PPM1L: variants seen among roughly 807,000 people sequenced by gnomAD.
PPM1L encodes protein phosphatase 1L.
A neutral mutation model predicts 31.4 loss-of-function variants in PPM1L; 13 were observed. The observed-to-expected ratio is 0.41, with a 90% CI of 0.27 to 0.66. The LOEUF (loss-of-function observed/expected upper bound fraction) is 0.66, where lower values mean the gene tolerates loss of function less well. PPM1L is among the 30% of genes least tolerant of loss of function. The pLI, the probability that PPM1L is intolerant of heterozygous loss-of-function variation, is 0.29. For missense variants in PPM1L, 326 were observed against 453.7 expected (o/e 0.72, Z 2.56); for synonymous variants, 184 against 175.4 (o/e 1.05, Z -0.39).
intron 2 of PPM1L, among the ~76,000 whole-genome samples, chr3:160,966,518 G>A (rs142710294): frequency 6.6e-6 from 1 of 152,102 alleles, no homozygotes; most frequent in Non-Finnish European, 1.5e-5. Context: ...AATTTTAATG[G>A]CTACATCATA....
At chr3:160,927,840 C>T (rs1289835615) in intron 1 of PPM1L, among the ~76,000 whole-genome samples, 1 of 151,972 alleles carries the variant, frequency 6.6e-6, no homozygotes, top group East Asian at 1.9e-4. Context: ...TATTAGGGCT[C>T]CTAGATGAGC....
chr3:160,839,950 G>T (rs1425773127), intron 1 of PPM1L, among the ~76,000 whole-genome samples: 2 of 152,182 alleles, frequency 1.3e-5, no homozygotes, highest in Admixed American at 1.3e-4. Flanking sequence ...TAGTGATAGA[G>T]TTGAGACATA....
In PPM1L at chr3:160,930,121, G is replaced by A. The variant is rs75008697; in HGVS notation, c.400-31615G>A. On this transcript the variant is annotated intron_variant, in intron 1 of 3. Transcript: ENST00000498165. ...TACTTTTGACTCTTTCATTTTGAAT[G>A]TGGGTTAGGGCTTTTTAGAACCACA... Among the ~76,000 whole-genome samples the A allele has an allele frequency of 2.3e-3, 356 of 152,310 alleles. 9 individuals carry two copies. The East Asian group carries it at 0.05, about 21-fold the overall frequency.
intron 1 of PPM1L, among the ~76,000 whole-genome samples, chr3:160,878,645 G>A (rs1034023831): frequency 1.3e-5 from 2 of 152,042 alleles, no homozygotes; most frequent in African/African-American, 2.4e-5. Context: ...ATGAATTTTG[G>A]GGCGACACAA....
Position 161,065,428 on chromosome 3 carries a change from A to G in PPM1L, c.600A>G (p.Leu200=). 6.2e-7 allele frequency: 1 copy of G among 1,614,070 alleles called. No homozygotes were observed. The highest frequency in any genetic ancestry group is 8.5e-7 in the Non-Finnish European group (1 of 1,179,940). ...GCACAACGTGTTTGATTGCTCTGCT[A>G]TCAGATAAAGACCTCACTGTGGCCA... ...EAGTTCLIAL[L]SDKDLTVANV... The change falls in exon 3 of 4, where the codon CTA becomes CTG. Residue 200 remains leucine, a synonymous_variant. Coordinates refer to ENST00000498165, the MANE Select transcript of PPM1L (RefSeq NM_139245.4).
chr3:161,029,276 G>C (rs1217200622), intron 2 of PPM1L, among the ~76,000 whole-genome samples: 1 of 152,192 alleles, frequency 6.6e-6, no homozygotes, highest in Admixed American at 6.5e-5. Context: ...GCCAGACTTA[G>C]TGAACAAATG....
chr3:160,944,784 T>TATATATGTTATATAGAACATATATAAC lies in PPM1L; in HGVS notation c.400-16938_400-16937insGAACATATATAACATATATGTTATATA, dbSNP rs1559896767. ...ATATATAACATGTTATATATTATATTATATATGTTATATATAACATATATA... is the reference window on the plus strand; with the variant it reads ...ATATATAACATGTTATATATTATATTATATATGTTATATAGAACATATATAACATATATGTTATATATAACATATATA... On this transcript the variant is annotated intron_variant, in intron 1 of 3. Transcript: ENST00000498165. Among the ~76,000 whole-genome samples, 28 of 43,912 alleles carry TATATATGTTATATAGAACATATATAAC rather than the reference T, an allele frequency of 6.4e-4. 3 individuals are homozygous for TATATATGTTATATAGAACATATATAAC. Among genetic ancestry groups the TATATATGTTATATAGAACATATATAAC allele is most frequent in the African/African-American group, 1.9e-3 (27 of 13,950 alleles). The allele number at this position is 43,912 out of a possible 152,430, so 28.8% of individuals were successfully genotyped here.
chr3:160,977,629 A>G (rs75406323), intron 2 of PPM1L, among the ~76,000 whole-genome samples: 4,462 of 152,306 alleles, frequency 0.029, 108 homozygotes, highest in South Asian at 0.12. Context: ...TTTATTATTT[A>G]TATCCCACTT....
chr3:160,913,312 C>A (rs892025232), intron 1 of PPM1L, among the ~76,000 whole-genome samples: 2 of 152,062 alleles, frequency 1.3e-5, no homozygotes, highest in Non-Finnish European at 2.9e-5. Flanking sequence ...TTGGTGTAGA[C>A]AGTGAACCCT....
At chr3:160,814,320 G>C (rs1321995805) in intron 1 of PPM1L, among the ~76,000 whole-genome samples, 2 of 152,118 alleles carry the variant, frequency 1.3e-5, no homozygotes, top group Non-Finnish European at 2.9e-5. Flanking sequence ...CAGCATAAGT[G>C]AAATAGGTGG....
At chr3:161,046,016 C>G (rs1719051780) in intron 2 of PPM1L, among the ~76,000 whole-genome samples, 1 of 142,796 alleles carries the variant, frequency 7.0e-6, no homozygotes, top group South Asian at 2.2e-4. Flanking sequence ...GAGGCTGAGG[C>G]AGGAGAATGC....
intron 2 of PPM1L, among the ~76,000 whole-genome samples, chr3:161,007,427 G>A (rs1464117182): frequency 6.6e-6 from 1 of 152,336 alleles, no homozygotes; most frequent in South Asian, 2.1e-4. Context: ...ACAGCTTGAT[G>A]GGTTTGAGGG....
At chr3:160,850,805 T>C (rs772436101) in intron 1 of PPM1L, among the ~76,000 whole-genome samples, 1 of 151,628 alleles carries the variant, frequency 6.6e-6, no homozygotes, top group Non-Finnish European at 1.5e-5. Context: ...CAGCTCCATG[T>C]CATGACTCTA....
chr3:160,778,670 G>C (rs1393781868), intron 1 of PPM1L, among the ~76,000 whole-genome samples: 1 of 152,178 alleles, frequency 6.6e-6, no homozygotes, highest in East Asian at 1.9e-4. Flanking sequence ...GCCCTCACAA[G>C]GGGATTTTTG....
At chr3:160,963,096 G>T (rs1716018069) in intron 2 of PPM1L, among the ~76,000 whole-genome samples, 2 of 151,912 alleles carry the variant, frequency 1.3e-5, no homozygotes, top group Non-Finnish European at 2.9e-5. Flanking sequence ...ATAAAGTTAG[G>T]TTTTGATCAG....
At chr3:160,998,147 T>C (rs77900087) in intron 2 of PPM1L, among the ~76,000 whole-genome samples, 1 of 152,206 alleles carries the variant, frequency 6.6e-6, no homozygotes, top group Non-Finnish European at 1.5e-5. Context: ...AATTTCTCTC[T>C]TGGAAGACAT....
chr3:161,012,774 A>C (rs148475248), intron 2 of PPM1L, among the ~76,000 whole-genome samples: 2,810 of 152,092 alleles, frequency 0.018, 76 homozygotes, highest in African/African-American at 0.063. Context: ...GGAATTTATC[A>C]ATTTCTTCTA....
At chr3:160,878,563 C>T (rs1019065188) in intron 1 of PPM1L, among the ~76,000 whole-genome samples, 6 of 152,176 alleles carry the variant, frequency 3.9e-5, no homozygotes, top group Admixed American at 6.5e-5. Flanking sequence ...CTTGTGACCT[C>T]ATCTAAACCT....
chr3:160,890,795 C>T (rs1281311259), intron 1 of PPM1L, among the ~76,000 whole-genome samples: 1 of 151,878 alleles, frequency 6.6e-6, no homozygotes, highest in East Asian at 1.9e-4. Flanking sequence ...ACCTATGGTA[C>T]AGAGGAGACC....
Sources: allele counts gnomAD v4.1 joint callset (sites outside exome capture counted in the v4.1 genomes callset), GRCh38; gene constraint gnomAD v4.1.1; transcripts MANE v1.5; gene names NCBI Gene and HGNC (gene_info 2026-07-23, HGNC 2026-07-21).